NRG1: variants seen among roughly 807,000 people sequenced by gnomAD.
NRG1 encodes neuregulin 1, also known as pro-neuregulin-1, membrane-bound isoform.
NRG1 carries 18 observed loss-of-function variants against 63.8 expected under a neutral mutation model. The observed-to-expected ratio is 0.28, with a 90% CI of 0.19 to 0.42. NRG1 has a LOEUF of 0.42. NRG1 is among the 10% of genes least tolerant of loss of function. The probability of loss-of-function intolerance (pLI) is 1.00; values close to 1 mark genes in which losing one functional copy is unlikely to be tolerated. For missense variants in NRG1, 762 were observed against 814.7 expected, an observed-to-expected ratio of 0.94 and a Z score of 0.79; for synonymous variants, 302 against 301.3, an observed-to-expected ratio of 1.00 and a Z score of -0.02.
At chr8:32,450,764 C>A (rs933387431) in intron 1 of NRG1, among the ~76,000 whole-genome samples, 1 of 152,096 alleles carries the variant, frequency 6.6e-6, no homozygotes, top group Non-Finnish European at 1.5e-5. Flanking sequence ...CAATGAAGAG[C>A]ATAGAAGAGT....
At chr8:31,829,918 C>T (rs549509072) in intron 1 of NRG1, among the ~76,000 whole-genome samples, 90 of 152,244 alleles carry the variant, frequency 5.9e-4, no homozygotes, top group South Asian at 1.2e-3. Context: ...ATTTTCTATT[C>T]GAGAAAGTGG....
chr8:32,509,491 C>T (rs1026057227), intron 1 of NRG1, among the ~76,000 whole-genome samples: 5 of 152,092 alleles, frequency 3.3e-5, no homozygotes, highest in Non-Finnish European at 7.3e-5. Context: ...AAGCTAGTGT[C>T]GGCAGCCTGA....
At chr8:31,945,457 G>A (rs1425862326) in intron 1 of NRG1, among the ~76,000 whole-genome samples, 1 of 151,982 alleles carries the variant, frequency 6.6e-6, no homozygotes, top group East Asian at 1.9e-4. Flanking sequence ...AGATTTTCTG[G>A]TAGAGATTTC....
chr8:32,209,981 G>T (rs1173711668), intron 1 of NRG1, among the ~76,000 whole-genome samples: 1 of 152,094 alleles, frequency 6.6e-6, no homozygotes, highest in African/African-American at 2.4e-5. Flanking sequence ...ATTTTGAAGG[G>T]ATGATTTTTT....
chr8:32,212,773 T>G (rs1844824766), intron 1 of NRG1, among the ~76,000 whole-genome samples: 1 of 152,106 alleles, frequency 6.6e-6, no homozygotes, highest in South Asian at 2.1e-4. Context: ...ACCTTATTGG[T>G]TCTTGTTATT....
intron 1 of NRG1, among the ~76,000 whole-genome samples, chr8:31,823,451 A>G (rs1427549051): frequency 6.6e-6 from 1 of 152,028 alleles, no homozygotes; most frequent in Non-Finnish European, 1.5e-5. Context: ...TGAATACTAC[A>G]TTGTTTTATA....
At chr8:31,867,053 A>G (rs1347919722) in intron 1 of NRG1, among the ~76,000 whole-genome samples, 1 of 152,176 alleles carries the variant, frequency 6.6e-6, no homozygotes, top group Admixed American at 6.6e-5. Flanking sequence ...ATTTAAGTTC[A>G]GTCCCAATGT....
chr8:31,857,215 C>T (rs888838306), intron 1 of NRG1, among the ~76,000 whole-genome samples: 1 of 152,240 alleles, frequency 6.6e-6, no homozygotes, highest in African/African-American at 2.4e-5. Context: ...CCCCAGCCTG[C>T]TGCCGCCTTG....
intron 1 of NRG1, among the ~76,000 whole-genome samples, chr8:32,394,023 C>T (rs138143269): frequency 6.6e-6 from 1 of 152,080 alleles, no homozygotes; most frequent in Admixed American, 6.5e-5. Context: ...CCTTATCGTG[C>T]ATCTCTTATT....
chr8:32,646,355 C>G (rs1200568636), intron 5 of NRG1, among the ~76,000 whole-genome samples: 3 of 152,154 alleles, frequency 2.0e-5, no homozygotes, highest in Non-Finnish European at 2.9e-5. Flanking sequence ...AAAAAATGTT[C>G]AAACTGTTGG....
intron 5 of NRG1, among the ~76,000 whole-genome samples, chr8:32,708,820 T>C (rs1296049072): frequency 1.3e-5 from 2 of 152,168 alleles, no homozygotes; most frequent in South Asian, 2.1e-4. Flanking sequence ...GCTCTATTGC[T>C]TGTTATCACA....
chr8:32,459,218 A>G (rs73252749), intron 1 of NRG1, among the ~76,000 whole-genome samples: 33,550 of 151,774 alleles, frequency 0.22, 3,973 homozygotes, highest in Non-Finnish European at 0.24. Context: ...ACTGCTATCT[A>G]CCCAATTAAT....
rs1818855884 is a variant in NRG1, at chr8:32,436,873, A to G, written c.38-158955A>G. Among the ~76,000 whole-genome samples the G allele has an allele frequency of 2.1e-5, 3 of 145,452 alleles. 1 individual carries two copies. In the South Asian group the frequency reaches 6.8e-4, roughly 33 times the overall value. On this transcript the variant is annotated intron_variant, in intron 1 of 10. Transcript: ENST00000519301. ...GTGTCACAGTGCATAACTGGGTTTTACATGGTCAAGTATACACACATACAC... is the reference window on the plus strand; with the variant it reads ...GTGTCACAGTGCATAACTGGGTTTTGCATGGTCAAGTATACACACATACAC...
chr8:32,156,818 C>A (rs1474816238), intron 1 of NRG1, among the ~76,000 whole-genome samples: 1 of 152,106 alleles, frequency 6.6e-6, no homozygotes, highest in African/African-American at 2.4e-5. Flanking sequence ...GGCCTGTATT[C>A]TCCGCTACTC....
In NRG1 at chr8:32,195,450, A is replaced by AT. The variant is rs1441273493; in HGVS notation, c.38-400378_38-400377insT. Among the ~76,000 whole-genome samples, 21 of 151,450 alleles carry AT rather than the reference A, an allele frequency of 1.4e-4. No individual in the cohort carries two copies. In the East Asian group the frequency reaches 2.1e-3, roughly 15 times the overall value. On this transcript the variant is annotated intron_variant, in intron 1 of 10. Coordinates refer to the NRG1 transcript ENST00000519301. ...TGAGACCCTGTCTCAAAAAAAAAAA[A>AT]AAAATGTCCCTCTAAGCAGTTAAAA...
At chr8:32,435,730 G>T (rs1172584227) in intron 1 of NRG1, among the ~76,000 whole-genome samples, 2 of 151,914 alleles carry the variant, frequency 1.3e-5, no homozygotes, top group Admixed American at 1.3e-4. Context: ...ATAAAATCAA[G>T]TTACTTCAAA....
exon 12 of NRG1, chr8:32,763,908 C>A (rs1275028358): frequency 4.3e-6 from 7 of 1,614,030 alleles, no homozygotes; most frequent in Middle Eastern, 1.7e-4. Flanking sequence ...AGAAGAGAGA[C>A]CTCTACTTCT....
intron 1 of NRG1, among the ~76,000 whole-genome samples, chr8:32,197,337 G>A (rs1211870241): frequency 6.6e-6 from 1 of 152,148 alleles, no homozygotes; most frequent in East Asian, 1.9e-4. Context: ...TAGGCAAGGT[G>A]ATGTGTTTGC....
At chr8:32,077,766 G>A (rs1826815408) in intron 1 of NRG1, among the ~76,000 whole-genome samples, 1 of 152,250 alleles carries the variant, frequency 6.6e-6, no homozygotes, top group Admixed American at 6.5e-5. Flanking sequence ...TAGAATTTTT[G>A]ATGAAAACAA....
Sources: gnomAD v4.1 joint callset for allele counts (sites outside exome capture counted in the v4.1 genomes callset) on GRCh38, gnomAD v4.1.1 for gene constraint, MANE v1.5 for transcripts, NCBI Gene and HGNC (gene_info 2026-07-23, HGNC 2026-07-21) for gene names.